DLGAP2: variants seen among roughly 807,000 people sequenced by gnomAD.
DLGAP2 encodes the protein DLG associated protein 2.
In DLGAP2, 26 loss-of-function variants were observed where a neutral mutation model predicts 100.3. The ratio of observed to expected loss-of-function variants is 0.26; its 90% CI spans 0.19 to 0.36. The LOEUF (loss-of-function observed/expected upper bound fraction) is 0.36. Among genes scored for constraint, DLGAP2 ranks in the 10% least tolerant of loss-of-function variants. The pLI, the probability that DLGAP2 is intolerant of heterozygous loss-of-function variation, is 1.00. For synonymous variants in DLGAP2, 886 were observed against 630.1 expected (o/e 1.41, Z -6.08); for missense variants, 1,858 against 1,453.2 (o/e 1.28, Z -4.53).
intron 2 of DLGAP2, among the ~76,000 whole-genome samples, chr8:1,158,646 C>T (rs17065713): frequency 0.046 from 7,016 of 152,298 alleles, 560 homozygotes; most frequent in African/African-American, 0.16. Context: ...TGTTTGAACC[C>T]GCAGACGGCC....
intron 1 of DLGAP2, among the ~76,000 whole-genome samples, chr8:880,593 G>T (rs556825077): frequency 2.0e-4 from 28 of 142,396 alleles, no homozygotes; most frequent in Middle Eastern, 3.8e-3. Context: ...GTGGGTCGGG[G>T]TGACCGTCCA....
chr8:1,693,205 T>A (rs1799299138), intron 13 of DLGAP2, among the ~76,000 whole-genome samples: 1 of 148,416 alleles, frequency 6.7e-6, no homozygotes, highest in Non-Finnish European at 1.5e-5. Flanking sequence ...ATAAAATATA[T>A]AGTATGTGTG....
At chr8:1,094,833 T>A (rs866570671) in intron 2 of DLGAP2, among the ~76,000 whole-genome samples, 1 of 152,234 alleles carries the variant, frequency 6.6e-6, no homozygotes, top group Non-Finnish European at 1.5e-5. Context: ...ACTGAGAGTA[T>A]ACAGGGATTA....
intron 11 of DLGAP2, among the ~76,000 whole-genome samples, 193 bp downstream of exon 11, chr8:1,676,811 G>A (rs758252726): frequency 6.6e-6 from 1 of 152,206 alleles, no homozygotes; most frequent in African/African-American, 2.4e-5. Context: ...TTTTGCAAGA[G>A]GCAAGGGAGT....
chr8:1,340,465 T>C (rs1046612449), intron 3 of DLGAP2, among the ~76,000 whole-genome samples: 12 of 152,136 alleles, frequency 7.9e-5, no homozygotes, highest in African/African-American at 2.9e-4. Context: ...CAGCCAGCAG[T>C]CGTTTGAAGA....
intron 2 of DLGAP2, among the ~76,000 whole-genome samples, chr8:1,222,433 C>G (rs1798333234): frequency 6.6e-6 from 1 of 152,124 alleles, no homozygotes; most frequent in African/African-American, 2.4e-5. Context: ...TCTGGCCCCT[C>G]AAGTTTAAGT....
chr8:1,173,986 C>A (rs1037377183), intron 2 of DLGAP2, among the ~76,000 whole-genome samples: 2 of 152,146 alleles, frequency 1.3e-5, no homozygotes, highest in Non-Finnish European at 2.9e-5. Flanking sequence ...ACGCTGGGAG[C>A]TGTAGACTGG....
intron 2 of DLGAP2, among the ~76,000 whole-genome samples, chr8:1,111,357 C>G (rs112174224): frequency 2.0e-5 from 3 of 152,098 alleles, no homozygotes; most frequent in Non-Finnish European, 4.4e-5. Flanking sequence ...ACGTTCCAGT[C>G]CCCATTTTCT....
chr8:1,076,290 G>A (rs1311630390), intron 2 of DLGAP2, among the ~76,000 whole-genome samples: 2 of 152,218 alleles, frequency 1.3e-5, no homozygotes, highest in African/African-American at 4.8e-5. Flanking sequence ...ATGAGCCCCC[G>A]CCGGCTGTCC....
intron 3 of DLGAP2, among the ~76,000 whole-genome samples, chr8:1,346,051 C>G (rs1277511412): frequency 6.6e-6 from 1 of 152,236 alleles, no homozygotes; most frequent in East Asian, 1.9e-4. Flanking sequence ...GCCATGGGCA[C>G]TGTGCTCATG....
intron 1 of DLGAP2, among the ~76,000 whole-genome samples, chr8:878,350 C>T (rs905174953): frequency 7.2e-5 from 11 of 152,088 alleles, no homozygotes; most frequent in African/African-American, 2.2e-4. Flanking sequence ...GAGGAACACA[C>T]GGTAGGTTTT....
At chr8:803,993 C>A (rs556447563) in intron 1 of DLGAP2, among the ~76,000 whole-genome samples, 1 of 152,246 alleles carries the variant, frequency 6.6e-6, no homozygotes, top group African/African-American at 2.4e-5. Context: ...TAAGCTGCTG[C>A]CTTCTTGCTG....
At chr8:1,187,031 GC>G (rs141348926) in intron 2 of DLGAP2, among the ~76,000 whole-genome samples, 3,660 of 152,262 alleles carry the variant, frequency 0.024, 166 homozygotes, top group African/African-American at 0.085. Context: ...GCGGTCGTGG[GC>G]CTTTCCCAGG....
chr8:970,884 A>G (rs1453853573), intron 2 of DLGAP2, among the ~76,000 whole-genome samples: 4 of 152,246 alleles, frequency 2.6e-5, no homozygotes, highest in South Asian at 2.1e-4. Context: ...CTTGTTAACG[A>G]TTATATACTT....
At chr8:1,516,301 G>A (rs1037924857) in intron 4 of DLGAP2, among the ~76,000 whole-genome samples, 1 of 152,176 alleles carries the variant, frequency 6.6e-6, no homozygotes, top group Non-Finnish European at 1.5e-5. Context: ...ATGAATGAGT[G>A]AGTGAATGAG....
At chr8:1,434,227 G>A (rs1458025730) in intron 3 of DLGAP2, among the ~76,000 whole-genome samples, 1 of 152,170 alleles carries the variant, frequency 6.6e-6, no homozygotes, top group African/African-American at 2.4e-5. Context: ...TGGATTCTCA[G>A]ACTGGCCCTG....
chr8:806,492 C>G (rs1279087450), intron 1 of DLGAP2, among the ~76,000 whole-genome samples: 1 of 152,152 alleles, frequency 6.6e-6, no homozygotes, highest in East Asian at 1.9e-4. Flanking sequence ...AGGTAGGGCT[C>G]CCCAAAGGGA....
At chr8:1,165,663 AATTTT>A (rs1797001069) in intron 2 of DLGAP2, among the ~76,000 whole-genome samples, 1 of 151,966 alleles carries the variant, frequency 6.6e-6, no homozygotes, top group African/African-American at 2.4e-5. Context: ...TTTAATTTTT[AATTTT>A]ATTTGTCGAA....
intron 3 of DLGAP2, among the ~76,000 whole-genome samples, chr8:1,418,828 A>G (rs908397605): frequency 3.9e-5 from 6 of 152,218 alleles, no homozygotes; most frequent in African/African-American, 1.4e-4. Flanking sequence ...GCAGCCCCGC[A>G]AGACCAGGGC....
Sources: gnomAD v4.1 joint callset for allele counts (sites outside exome capture counted in the v4.1 genomes callset) on GRCh38, gnomAD v4.1.1 for gene constraint, MANE v1.5 for transcripts, NCBI Gene and HGNC (gene_info 2026-07-23, HGNC 2026-07-21) for gene names.